The following PACS2 variants were observed in gnomAD, a reference collection of about 807,000 sequenced individuals.
PACS2 encodes the protein PACS1-like protein.
PACS2 carries 36 observed loss-of-function variants against 113.0 expected under a neutral mutation model. The observed-to-expected ratio is 0.32, with a 90% CI of 0.24 to 0.42. The LOEUF (loss-of-function observed/expected upper bound fraction) is 0.42. PACS2 is among the 10% of genes least tolerant of loss of function. The probability of loss-of-function intolerance (pLI) is 1.00; values close to 1 mark genes in which losing one functional copy is unlikely to be tolerated. For missense variants in PACS2, 1,015 were observed against 1,239.5 expected, an observed-to-expected ratio of 0.82 and a Z score of 2.72; for synonymous variants, 589 against 536.1, an observed-to-expected ratio of 1.10 and a Z score of -1.36.
chr14:105,305,789 C>T (rs758382058), intron 1 of PACS2, among the ~76,000 whole-genome samples: 2 of 152,202 alleles, frequency 1.3e-5, no homozygotes, highest in African/African-American at 4.8e-5. Context: ...CAAGCAAGGG[C>T]GGCCAAGGGG....
chr14:105,378,265 A>G (rs1199313628), intron 9 of PACS2, among the ~76,000 whole-genome samples: 1 of 152,168 alleles, frequency 6.6e-6, no homozygotes, highest in Non-Finnish European at 1.5e-5. Flanking sequence ...CTGGCCAGCT[A>G]GCATTCATAG....
chr14:105,394,530 C>T (rs201652241), intron 24 of PACS2, 24 bp from the exon 25 acceptor site: 195 of 1,608,380 alleles, frequency 1.2e-4, no homozygotes, highest in African/African-American at 9.9e-4. Flanking sequence ...GGGGGGCAGG[C>T]GGTCAGGCAG....
chr14:105,339,695 CTA>C (rs2059654455), intron 1 of PACS2, among the ~76,000 whole-genome samples: 1 of 140,784 alleles, frequency 7.1e-6, no homozygotes, highest in Non-Finnish European at 1.5e-5. Context: ...GATTCTGTCT[CTA>C]TTAAAAAAAA....
At chr14:105,342,529 A>G (rs1372997733) in intron 1 of PACS2, among the ~76,000 whole-genome samples, 1 of 151,196 alleles carries the variant, frequency 6.6e-6, no homozygotes, top group East Asian at 2.0e-4. Context: ...TCGGCCTCCC[A>G]CAGTGCTGGG....
At chr14:105,311,481 C>T (rs1250460035), upstream of PACS2, among the ~76,000 whole-genome samples, 1 of 152,140 alleles carries the variant, frequency 6.6e-6, no homozygotes, top group Non-Finnish European at 1.5e-5. Flanking sequence ...TCTTGAACTC[C>T]TGAGGTCACG....
rs374424222 is a variant in PACS2 at position 105,322,424 on chromosome 14, C to T, written c.119+7387C>T. On this transcript the variant is annotated intron_variant, in intron 1 of 24. Transcript: ENST00000447393. ...AACTACAGGTGCGCGCCACCGCACC[C>T]GGCTCATTTTTTTGTATTTTTAGTA... is the stretch of plus-strand genomic sequence containing the variant. Among the ~76,000 whole-genome samples, 940 of 151,510 alleles carry T rather than the reference C, an allele frequency of 6.2e-3. 2 individuals carry two copies. Among genetic ancestry groups the T allele is most frequent in the Non-Finnish European group, 9.2e-3 (623 of 67,884 alleles).
At chr14:105,372,260 G>A (rs372565370) in intron 8 of PACS2, 3 of 152,336 alleles carry the variant, frequency 2.0e-5, no homozygotes, top group Admixed American at 6.5e-5. Flanking sequence ...GAAAGCGTCC[G>A]CTGAGGGCTG....
intron 19 of PACS2, 114 bp from the exon 20 acceptor site, chr14:105,389,847 C>G (rs1595181419): frequency 2.1e-6 from 2 of 942,218 alleles, no homozygotes; most frequent in African/African-American, 1.6e-5. Context: ...CAGGGCCATC[C>G]GGCAGGGCCG....
At chr14:105,311,647 A>C (rs2058351030), upstream of PACS2, among the ~76,000 whole-genome samples, 1 of 152,086 alleles carries the variant, frequency 6.6e-6, no homozygotes, top group Non-Finnish European at 1.5e-5. Context: ...TCTACTCTAC[A>C]ACCCCGGGGT....
Position 105,340,590 on chromosome 14 carries a change from C to G in PACS2, c.120-7903C>G, listed in dbSNP as rs1392271181. On this transcript the variant is annotated intron_variant, in intron 1 of 24. Transcript: ENST00000447393. The surrounding 1 kb of genome is among the most constrained non-coding windows in gnomAD (Gnocchi z 4.2). ...CTTCCGGAGCTCAGGTGGGAATGCT[C>G]ACTCCCTGGTGCTCATCTCCTGCTG... 3.3e-5 allele frequency among the ~76,000 whole-genome samples: 5 copies of G among 152,232 alleles called. No homozygotes were observed. The highest frequency in any genetic ancestry group is 1.2e-4 in the African/African-American group (5 of 41,450).
chr14:105,308,964 AC>A (rs934094599), intron 1 of PACS2, among the ~76,000 whole-genome samples: 31 of 151,974 alleles, frequency 2.0e-4, no homozygotes, highest in African/African-American at 7.5e-4. Context: ...ACAGAGCAAG[AC>A]CCTGTCAAGA....
intron 17 of PACS2, 125 bp downstream of exon 17, chr14:105,384,588 AGGGCCTGCTG>A (rs1290438530): frequency 1.4e-5 from 9 of 652,994 alleles, no homozygotes; most frequent in Non-Finnish European, 2.1e-5. Flanking sequence ...GGCCATGGAC[AGGGCCTGCTG>A]GGGCCTTGGC....
chr14:105,316,579 G>A (rs116566521), intron 1 of PACS2, among the ~76,000 whole-genome samples: 2,180 of 152,344 alleles, frequency 0.014, 58 homozygotes, highest in African/African-American at 0.05. Context: ...GAGCAGCAAA[G>A]TCTTTAACCC....
rs1243475563 is a variant in PACS2, at chr14:105,354,558, T to A, written c.298-494T>A. Among the ~76,000 whole-genome samples, 2 of 152,210 alleles carry A rather than the reference T, an allele frequency of 1.3e-5. No homozygotes were observed. The highest frequency in any genetic ancestry group is 4.8e-5 in the African/African-American group (2 of 41,462). ...TAAGAGATACCTGTGAACATCAGCT[T>A]GCTGGAGCCCTGCTGGACAGGGAGC... On this transcript the variant is annotated intron_variant, in intron 3 of 24. Transcript: ENST00000447393. The surrounding 1 kb of genome is among the most constrained non-coding windows in gnomAD (Gnocchi z 4.2).
rs782360509 is a variant in PACS2, at chr14:105,367,310, T to C, written c.521T>C (p.Leu174Pro). 6.2e-7 allele frequency: 1 copy of C among 1,613,342 alleles called. No homozygotes were observed. The highest frequency in any genetic ancestry group is 1.1e-5 in the South Asian group (1 of 91,088). ...VKAAEIWIAS[L>P]SSQPIDHEDS... ...GCGGCCGAGATCTGGATCGCCTCCC[T>C]GTCCAGCCAGCCCATTGACCACGAA... The change falls in exon 5 of 25, where the codon CTG becomes CCG. Residue 174 changes from leucine to proline, a missense_variant. By Grantham distance (98) the Leu-to-Pro change is moderately conservative (BLOSUM62 -3). Coordinates refer to ENST00000447393, the MANE Select transcript of PACS2 (RefSeq NM_001100913.3).
At position 105,317,629 on chromosome 14, in the gene PACS2, T is replaced by C. The variant is rs1392680999; in HGVS notation, c.119+2592T>C. Among the ~76,000 whole-genome samples, 1 of 152,236 alleles carries C rather than the reference T, an allele frequency of 6.6e-6. No individual in the cohort carries two copies. Among genetic ancestry groups the C allele is most frequent in the Non-Finnish European group, 1.5e-5 (1 of 68,042 alleles). ...TTCCTTTGCCAGTTTTTTTTTCTCTTTTTTTCTGCTTGAGTTTCAGCAGTT... is the reference window on the plus strand; with the variant it reads ...TTCCTTTGCCAGTTTTTTTTTCTCTCTTTTTCTGCTTGAGTTTCAGCAGTT... On this transcript the variant is annotated intron_variant, in intron 1 of 24. Coordinates refer to ENST00000447393, the MANE Select transcript of PACS2 (RefSeq NM_001100913.3). This position sits in a 1 kb window ranked among gnomAD's most constrained non-coding sequence, Gnocchi z 4.2.
In PACS2 at chr14:105,395,593, A is replaced by G. The variant is rs2081507987; in HGVS notation, c.*921A>G. On this transcript the variant is annotated 3_prime_UTR_variant, in exon 25 of 25. Transcript: ENST00000447393. ...GGTTGAGATTCAGGTTTTGGTGAAT[A>G]TGGGGCAGGCGTCCAGATGTGTTTG... is the stretch of plus-strand genomic sequence containing the variant. 6.6e-6 allele frequency: 1 copy of G among 152,236 alleles called. No individual in the cohort carries two copies. Among genetic ancestry groups the G allele is most frequent in the East Asian group, 1.9e-4 (1 of 5,200 alleles). 9.4% of individuals were successfully genotyped at this position (152,236 alleles called of 1,614,324 possible).
rs782371346 is a variant in PACS2, at chr14:105,382,565, C to T, written c.1502C>T (p.Ser501Leu). The T allele has an allele frequency of 7.5e-6, 12 of 1,607,186 alleles. No homozygotes were observed. Among genetic ancestry groups the T allele is most frequent in the Admixed American group, 3.3e-5 (2 of 60,006 alleles). Residue 501 changes from serine (S) to leucine (L), a missense_variant, in exon 14 of 25, where the codon TCG becomes TTG. Coordinates refer to ENST00000447393, the MANE Select transcript of PACS2 (RefSeq NM_001100913.3). The part of the protein sequence containing the change: ...LPENIILVNT[S>L]DWQGQFLSDV... ...GAAAACATCATCCTTGTCAACACCT[C>T]GGACTGGCAGGGGCAGGTAGAGGGG...
intron 1 of PACS2, among the ~76,000 whole-genome samples, chr14:105,347,178 C>G (rs1422913859): frequency 6.7e-6 from 1 of 149,914 alleles, no homozygotes; most frequent in East Asian, 2.0e-4. Flanking sequence ...TAGATCATCA[C>G]CTGAGCAGCC....
Sources: allele counts gnomAD v4.1 joint callset (sites outside exome capture counted in the v4.1 genomes callset), GRCh38; gene constraint gnomAD v4.1.1; non-coding constraint Gnocchi (gnomAD v3.1); transcripts MANE v1.5; gene names NCBI Gene and HGNC (gene_info 2026-07-23, HGNC 2026-07-21).